Variants in UBR3 observed in about 807,000 individuals in gnomAD.
UBR3 encodes the protein E3 ubiquitin-protein ligase UBR3.
UBR3 carries 85 observed loss-of-function variants against 243.2 expected under a neutral mutation model. The ratio of observed to expected loss-of-function variants is 0.35; its 90% confidence interval spans 0.29 to 0.42. The LOEUF is 0.42. Among genes scored for constraint, UBR3 ranks in the 10% least tolerant of loss-of-function variants. The pLI is 1.00. For synonymous variants in UBR3, 748 were observed against 799.8 expected (o/e 0.94, Z 1.09); for missense variants, 1,686 against 2,300.8 (o/e 0.73, Z 5.47).
chr2:169,972,759 G>A (rs1325105311), intron 24 of UBR3, among the ~76,000 whole-genome samples: 4 of 151,726 alleles, frequency 2.6e-5, no homozygotes, highest in East Asian at 1.9e-4. Context: ...TTGATGGGAC[G>A]TATCTCAAAA....
rs953532248 is a variant in UBR3, at chr2:170,063,154, A to G, written c.5019+1711A>G. On this transcript the variant is annotated intron_variant, in intron 35 of 38. Coordinates refer to ENST00000272793, the MANE Select transcript of UBR3 (RefSeq NM_172070.4). ...TGGGAATAGAAGAGGCTGGAGAGCG[A>G]TTAGAGATTCAGAGATAAAATAGGA... is the stretch of plus-strand genomic sequence containing the variant. 1.1e-4 allele frequency among the ~76,000 whole-genome samples: 17 copies of G among 152,202 alleles called. 1 individual carries two copies. Among genetic ancestry groups the G allele is most frequent in the Admixed American group, 8.5e-4 (13 of 15,284 alleles).
Position 169,878,492 on chromosome 2 carries a change from A to G in UBR3, c.989-33A>G, listed in dbSNP as rs374954377. ...GAAAATAAAGCAATATGTAGCAACTATGAAGGACAACTATTTTTCTTCTCC... is the reference window on the plus strand; with the variant it reads ...GAAAATAAAGCAATATGTAGCAACTGTGAAGGACAACTATTTTTCTTCTCC... On this transcript the variant is annotated intron_variant, in intron 4 of 38. Coordinates refer to ENST00000272793, the MANE Select transcript of UBR3 (RefSeq NM_172070.4). The G allele has an allele frequency of 3.3e-4, 516 of 1,540,788 alleles. 2 individuals are homozygous for G. In the South Asian group the frequency reaches 5.9e-3, roughly 18 times the overall value.
In UBR3 at chr2:170,061,324, C is replaced by A; in HGVS notation, c.4900C>A (p.Pro1634Thr). Residue 1634 changes from proline (P) to threonine (T), a missense_variant, in exon 35 of 39, where the codon CCT (proline) becomes ACT (threonine). Around this residue, in one of 8 missense-constraint regions of UBR3, gnomAD observed 371 missense variants for 422.5 expected, o/e 0.88. Coordinates refer to ENST00000272793, the MANE Select transcript of UBR3 (RefSeq NM_172070.4). ...EGTQECAMVN[P>T]IAWSPESMEK... ...TTTTCTTTTTTAACTTTAGGTTAAC[C>A]CTATTGCTTGGTCTCCTGAATCCAT... 6.2e-7 allele frequency: 1 copy of A among 1,613,660 alleles called. No individual in the cohort carries two copies. Among genetic ancestry groups the A allele is most frequent in the South Asian group, 1.1e-5 (1 of 90,912 alleles).
Position 169,890,551 on chromosome 2 carries a change from A to ATATGTG in UBR3, c.1039-611_1039-610insGTGTAT, listed in dbSNP as rs1410379271. Among the ~76,000 whole-genome samples, 496 of 101,888 alleles carry ATATGTG rather than the reference A, an allele frequency of 4.9e-3. 18 individuals carry two copies. The highest frequency in any genetic ancestry group is 0.018 in the Middle Eastern group (4 of 224). The allele number at this position is 101,888 out of a possible 152,430, so 66.8% of individuals were successfully genotyped here. On this transcript the variant is annotated intron_variant, in intron 5 of 38. Transcript: ENST00000272793. Reference sequence around the variant, plus strand: ...GAGAGAGAGAGAGAGATATATATATATATATATATATATGTGTATATATAT... The same window carrying ATATGTG: ...GAGAGAGAGAGAGAGATATATATATATATGTGTATATATATATATGTGTATATATAT...
chr2:169,896,290 G>A (rs918652975), intron 7 of UBR3, among the ~76,000 whole-genome samples: 1 of 151,102 alleles, frequency 6.6e-6, no homozygotes, highest in Non-Finnish European at 1.5e-5. Context: ...CCGTTTTGGG[G>A]GAAAAAAATT....
chr2:170,080,928 C>G (rs891646469), intron 38 of UBR3, among the ~76,000 whole-genome samples: 1 of 152,148 alleles, frequency 6.6e-6, no homozygotes, highest in African/African-American at 2.4e-5. Context: ...CCCAGTGGCT[C>G]ACACCTGTAA....
chr2:169,983,843 T>C (rs1207076605), intron 24 of UBR3, among the ~76,000 whole-genome samples: 1 of 152,202 alleles, frequency 6.6e-6, no homozygotes, highest in Non-Finnish European at 1.5e-5. Context: ...TGTAATAATA[T>C]CAATTATGGT....
chr2:169,900,154 G>A lies in UBR3; in HGVS notation c.1465+3419G>A, dbSNP rs565580499. On this transcript the variant is annotated intron_variant, in intron 8 of 38. Coordinates refer to ENST00000272793, the MANE Select transcript of UBR3 (RefSeq NM_172070.4). ...CCTATTTCTCCACATCCTCTCCAGC[G>A]TCTGTGGTTTCCTGACTTTTTAATG... Among the ~76,000 whole-genome samples the A allele has an allele frequency of 1.1e-4, 17 of 152,244 alleles. No individual in the cohort carries two copies. The South Asian group carries it at 1.7e-3, about 15-fold the overall frequency.
At chr2:169,902,503 C>T (rs911467989) in intron 8 of UBR3, among the ~76,000 whole-genome samples, 1 of 151,856 alleles carries the variant, frequency 6.6e-6, no homozygotes, top group African/African-American at 2.4e-5. Context: ...AGGTACTGCT[C>T]CTTCCGCGTA....
chr2:169,947,523 A>AT lies in UBR3; in HGVS notation c.2911-8dup, dbSNP rs760916848. ...CGTGATGTGGCAAGACTTGATATTC[A>AT]TTTTTTTTTTTATTTTAGGCATCAG... On this transcript the variant is annotated intron_variant, in intron 21 of 38. Transcript: ENST00000272793. 7.4e-3 allele frequency: 7,997 copies of AT among 1,073,778 alleles called. No individual in the cohort carries two copies. Among genetic ancestry groups the AT allele is most frequent in the South Asian group, 0.021 (1,050 of 50,118 alleles). The allele number at this position is 1,073,778 out of a possible 1,614,324, so 66.5% of individuals were successfully genotyped here.
intron 29 of UBR3, among the ~76,000 whole-genome samples, chr2:170,009,206 A>G (rs191401658): frequency 1.7e-3 from 261 of 152,242 alleles, no homozygotes; most frequent in African/African-American, 5.9e-3. Context: ...TGGGGCAGAT[A>G]TGTACCTCGA....
intron 1 of UBR3, among the ~76,000 whole-genome samples, chr2:169,842,075 C>G (rs1462422752): frequency 6.6e-6 from 1 of 152,032 alleles, no homozygotes; most frequent in Non-Finnish European, 1.5e-5. Context: ...CTGTGTTTAG[C>G]TCAAGGTTTG....
intron 2 of UBR3, among the ~76,000 whole-genome samples, chr2:169,874,164 A>AAATTCTG (rs1431479326): frequency 6.6e-6 from 1 of 151,668 alleles, no homozygotes; most frequent in Non-Finnish European, 1.5e-5. Context: ...TGTGCAAAAA[A>AAATTCTG]AATTCTGCCT....
intron 13 of UBR3, among the ~76,000 whole-genome samples, chr2:169,924,405 G>A (rs1014570144): frequency 6.6e-6 from 1 of 152,070 alleles, no homozygotes; most frequent in African/African-American, 2.4e-5. Flanking sequence ...TTATGGGGTG[G>A]TATTTAACAT....
intron 25 of UBR3, among the ~76,000 whole-genome samples, chr2:169,992,875 C>T (rs2089331520): frequency 6.6e-6 from 1 of 152,176 alleles, no homozygotes; most frequent in Non-Finnish European, 1.5e-5. Context: ...ATTCTCATGC[C>T]TTAGCCTCTT....
At chr2:170,054,576 C>A (rs1432170295) in intron 32 of UBR3, among the ~76,000 whole-genome samples, 1 of 152,006 alleles carries the variant, frequency 6.6e-6, no homozygotes, top group Admixed American at 6.6e-5. Flanking sequence ...GCCACCGCCC[C>A]TGGCCACACC....
chr2:169,934,761 C>T (rs1368089803), intron 19 of UBR3, among the ~76,000 whole-genome samples: 1 of 152,168 alleles, frequency 6.6e-6, no homozygotes, highest in Non-Finnish European at 1.5e-5. Flanking sequence ...ATTTGTTAAA[C>T]GAATGAAAAG....
intron 24 of UBR3, among the ~76,000 whole-genome samples, chr2:169,959,150 C>T (rs2087448533): frequency 6.6e-6 from 1 of 151,988 alleles, no homozygotes; most frequent in African/African-American, 2.4e-5. Context: ...AAAATAAAGT[C>T]ATGCATTTAG....
intron 1 of UBR3, among the ~76,000 whole-genome samples, chr2:169,860,668 G>A (rs908713866): frequency 1.3e-5 from 2 of 151,872 alleles, no homozygotes; most frequent in African/African-American, 2.4e-5. Flanking sequence ...TGGTATTTCC[G>A]TTTCTCATTT....
Sources: gnomAD v4.1 joint callset for allele counts (sites outside exome capture counted in the v4.1 genomes callset) on GRCh38, gnomAD v4.1.1 for gene constraint, gnomAD v4.1.1 regional missense constraint, MANE v1.5 for transcripts, NCBI Gene and HGNC (gene_info 2026-07-23, HGNC 2026-07-21) for gene names.